The following B3GALT1 variants were observed in gnomAD, a reference collection of about 807,000 sequenced individuals.
The protein encoded by B3GALT1 is UDP-Gal:betaGlcNAc beta 1,3-galactosyltransferase, polypeptide 1.
B3GALT1 carries 10 observed loss-of-function variants against 23.2 expected under a neutral mutation model. That is an observed-to-expected ratio of 0.43 (90% CI 0.27 to 0.73). The LOEUF is 0.73. Ranked by LOEUF, B3GALT1 falls within the 30% of genes least tolerant of loss-of-function variation. B3GALT1 has a pLI of 0.21. For missense variants in B3GALT1, 299 were observed against 405.4 expected (o/e 0.74, Z 2.25); for synonymous variants, 156 against 141.5 (o/e 1.10, Z -0.73).
intron 1 of B3GALT1, among the ~76,000 whole-genome samples, chr2:167,352,535 G>A (rs900608404): frequency 6.7e-5 from 10 of 149,044 alleles, no homozygotes; most frequent in East Asian, 2.0e-4. Context: ...TGGCTAACAC[G>A]GTGAAACTCC....
chr2:167,410,309 G>A (rs1332677907), intron 1 of B3GALT1, among the ~76,000 whole-genome samples: 1 of 151,930 alleles, frequency 6.6e-6, no homozygotes, highest in Non-Finnish European at 1.5e-5. Flanking sequence ...CAAGACCATG[G>A]TGAAATCCCA....
At chr2:167,354,553 G>T (rs1023607236) in intron 1 of B3GALT1, among the ~76,000 whole-genome samples, 3 of 151,996 alleles carry the variant, frequency 2.0e-5, no homozygotes, top group Admixed American at 1.3e-4. Context: ...CACCATGTTG[G>T]CCAGGATGGT....
At chr2:167,681,615 C>G (rs1450465096) in intron 3 of B3GALT1, among the ~76,000 whole-genome samples, 1 of 152,136 alleles carries the variant, frequency 6.6e-6, no homozygotes, top group Non-Finnish European at 1.5e-5. Context: ...TCACCTTGTT[C>G]GAAAGTAGAG....
chr2:167,508,213 T>G (rs1457651745), intron 2 of B3GALT1, among the ~76,000 whole-genome samples: 1 of 152,056 alleles, frequency 6.6e-6, no homozygotes, highest in Non-Finnish European at 1.5e-5. Flanking sequence ...TTCAAAATAG[T>G]TCTTACTTCA....
At chr2:167,458,822 T>C (rs962906991) in intron 1 of B3GALT1, among the ~76,000 whole-genome samples, 18 of 152,186 alleles carry the variant, frequency 1.2e-4, no homozygotes, top group Non-Finnish European at 2.5e-4. Flanking sequence ...TGTTGATTGT[T>C]AGTATATAGA....
intron 4 of B3GALT1, among the ~76,000 whole-genome samples, chr2:167,833,899 A>G (rs901415370): frequency 6.6e-6 from 1 of 152,178 alleles, no homozygotes; most frequent in Non-Finnish European, 1.5e-5. Flanking sequence ...TAGAGTAGAT[A>G]ATTTTCCTAA....
intron 1 of B3GALT1, among the ~76,000 whole-genome samples, chr2:167,319,588 A>G (rs1206602298): frequency 1.3e-5 from 2 of 152,130 alleles, no homozygotes; most frequent in Non-Finnish European, 2.9e-5. Context: ...GATGGGAATG[A>G]TACTATTGGC....
intron 1 of B3GALT1, among the ~76,000 whole-genome samples, chr2:167,344,200 T>G (rs1395426118): frequency 6.6e-6 from 1 of 152,168 alleles, no homozygotes; most frequent in African/African-American, 2.4e-5. Flanking sequence ...GGATTTAACT[T>G]GTGAAACGGA....
At chr2:167,604,285 G>A (rs529557942) in intron 2 of B3GALT1, among the ~76,000 whole-genome samples, 1 of 152,070 alleles carries the variant, frequency 6.6e-6, no homozygotes, top group Non-Finnish European at 1.5e-5. Context: ...GATTATATGT[G>A]ATTATAAAGC....
chr2:167,635,418 T>G (rs994606821), intron 2 of B3GALT1, among the ~76,000 whole-genome samples: 4 of 152,148 alleles, frequency 2.6e-5, no homozygotes, highest in Non-Finnish European at 4.4e-5. Context: ...TTGTCTCTGT[T>G]TGCAGACGAC....
At chr2:167,715,739 T>C in intron 3 of B3GALT1, 2 of 1,613,158 alleles carry the variant, frequency 1.2e-6, no homozygotes, top group Non-Finnish European at 1.7e-6. Flanking sequence ...TAAAGATGAC[T>C]GTACTTCATA....
At chr2:167,776,168 T>A (rs1018115205) in intron 3 of B3GALT1, among the ~76,000 whole-genome samples, 7 of 152,138 alleles carry the variant, frequency 4.6e-5, no homozygotes, top group Non-Finnish European at 1.0e-4. Context: ...CTGGATATGG[T>A]CTTTCCAATC....
chr2:167,833,221 T>C (rs1251393796), intron 4 of B3GALT1, among the ~76,000 whole-genome samples: 1 of 152,156 alleles, frequency 6.6e-6, no homozygotes, highest in African/African-American at 2.4e-5. Flanking sequence ...CTCACTGTGG[T>C]CTGGGAAAAG....
At chr2:167,750,180 G>A (rs1438799545) in intron 3 of B3GALT1, among the ~76,000 whole-genome samples, 2 of 152,130 alleles carry the variant, frequency 1.3e-5, no homozygotes, top group Non-Finnish European at 2.9e-5. Flanking sequence ...TTTTTGTCTT[G>A]TCTATTTGCA....
At chr2:167,812,988 C>T (rs1688921052) in intron 3 of B3GALT1, among the ~76,000 whole-genome samples, 1 of 91,580 alleles carries the variant, frequency 1.1e-5, no homozygotes, top group South Asian at 3.7e-4. Flanking sequence ...CGCACCACCA[C>T]CACCCCCACC....
chr2:167,735,525 A>G (rs1005059184), intron 3 of B3GALT1, among the ~76,000 whole-genome samples: 2 of 152,258 alleles, frequency 1.3e-5, no homozygotes, highest in Non-Finnish European at 1.5e-5. Flanking sequence ...TGTGTAGAAT[A>G]ATATTTGAGA....
intron 1 of B3GALT1, among the ~76,000 whole-genome samples, chr2:167,407,199 A>C (rs972343513): frequency 6.6e-6 from 1 of 152,208 alleles, no homozygotes; most frequent in Admixed American, 6.5e-5. Context: ...ACCTCAGAAA[A>C]TACACAAACA....
At chr2:167,297,617 A>G (rs1007505259) in intron 1 of B3GALT1, among the ~76,000 whole-genome samples, 3 of 152,110 alleles carry the variant, frequency 2.0e-5, no homozygotes, top group Admixed American at 1.3e-4. Flanking sequence ...CTTTTATGCA[A>G]AAAAAGCTGT....
At chr2:167,709,551 A>T (rs541969164) in intron 3 of B3GALT1, among the ~76,000 whole-genome samples, 1 of 152,300 alleles carries the variant, frequency 6.6e-6, no homozygotes, top group Admixed American at 6.5e-5. Context: ...CTTGATAGGA[A>T]ATGTGAGTGG....
Sources: allele counts gnomAD v4.1 joint callset (sites outside exome capture counted in the v4.1 genomes callset), GRCh38; gene constraint gnomAD v4.1.1; transcripts MANE v1.5; gene names NCBI Gene and HGNC (gene_info 2026-07-23, HGNC 2026-07-21).